Variants in IL15 observed in about 807,000 individuals in gnomAD.
IL15 encodes interleukin 15, also known as interleukin-15.
A neutral mutation model predicts 19.6 loss-of-function variants in IL15; 11 were observed. The observed-to-expected ratio is 0.56, with a 90% CI of 0.35 to 0.93. The LOEUF (loss-of-function observed/expected upper bound fraction) is 0.93, where lower values mean the gene tolerates loss of function less well. Ranked by LOEUF, IL15 falls within the 40% of genes least tolerant of loss-of-function variation. The pLI, the probability that IL15 is intolerant of heterozygous loss-of-function variation, is 0.01. For missense variants in IL15, 197 were observed against 186.5 expected, an observed-to-expected ratio of 1.06 and a Z score of -0.33; for synonymous variants, 58 against 59.6, an observed-to-expected ratio of 0.97 and a Z score of 0.12.
chr4:141,667,542 T>C (rs1035941992), intron 2 of IL15, among the ~76,000 whole-genome samples: 2 of 152,186 alleles, frequency 1.3e-5, no homozygotes, highest in African/African-American at 2.4e-5. Context: ...CCAGCACCTA[T>C]GGTTTAATTC....
chr4:141,689,911 G>A (rs1203066834), intron 2 of IL15, among the ~76,000 whole-genome samples: 1 of 152,204 alleles, frequency 6.6e-6, no homozygotes, highest in Admixed American at 6.5e-5. Flanking sequence ...AGCAGGGGGC[G>A]GTGCTCATCG....
chr4:141,701,731 C>A (rs758528687), intron 2 of IL15, among the ~76,000 whole-genome samples: 5 of 152,216 alleles, frequency 3.3e-5, no homozygotes, highest in African/African-American at 7.2e-5. Context: ...AATTAGATGT[C>A]CTGAGGTTGT....
intron 1 of IL15, 65 bp from the exon 2 acceptor site, chr4:141,656,121 G>A (rs972683943): frequency 2.5e-6 from 1 of 397,054 alleles, no homozygotes; most frequent in Non-Finnish European, 4.4e-6. Context: ...CCATAAATCT[G>A]AGGAAGGGAG....
At chr4:141,668,894 C>G (rs191809366) in intron 2 of IL15, among the ~76,000 whole-genome samples, 2 of 152,140 alleles carry the variant, frequency 1.3e-5, no homozygotes, top group Non-Finnish European at 2.9e-5. Flanking sequence ...AGCCTAACTT[C>G]GTGCTAAAAA....
At chr4:141,728,498 A>T (rs1730342840) in intron 6 of IL15, among the ~76,000 whole-genome samples, 1 of 152,140 alleles carries the variant, frequency 6.6e-6, no homozygotes, top group Non-Finnish European at 1.5e-5. Flanking sequence ...ATTAGAACTG[A>T]AAAATGGTCT....
At chr4:141,659,000 C>T in intron 2 of IL15, among the ~76,000 whole-genome samples, 1 of 151,784 alleles carries the variant, frequency 6.6e-6, no homozygotes, top group East Asian at 1.9e-4. Context: ...GCTGGGACTA[C>T]AGGCGCCTGC....
At chr4:141,673,576 C>G (rs1728244593) in intron 2 of IL15, among the ~76,000 whole-genome samples, 1 of 152,094 alleles carries the variant, frequency 6.6e-6, no homozygotes, top group South Asian at 2.1e-4. Flanking sequence ...TCATATTGCC[C>G]CACTGTTCTC....
chr4:141,670,271 A>G (rs1728127864), intron 2 of IL15, among the ~76,000 whole-genome samples: 1 of 152,118 alleles, frequency 6.6e-6, no homozygotes, highest in Non-Finnish European at 1.5e-5. Flanking sequence ...ATCATGATAC[A>G]TGATAGAATA....
intron 2 of IL15, among the ~76,000 whole-genome samples, chr4:141,678,191 G>A (rs886688979): frequency 6.6e-6 from 1 of 152,080 alleles, no homozygotes; most frequent in African/African-American, 2.4e-5. Flanking sequence ...CATACGTTAG[G>A]TTTTGTTATG....
At chr4:141,640,032 G>A (rs1423633786) in intron 1 of IL15, among the ~76,000 whole-genome samples, 1 of 152,136 alleles carries the variant, frequency 6.6e-6, no homozygotes, top group African/African-American at 2.4e-5. Context: ...ATATTGTACT[G>A]TACTATTTGT....
At chr4:141,689,907 G>A (rs1212951365) in intron 2 of IL15, among the ~76,000 whole-genome samples, 2 of 152,222 alleles carry the variant, frequency 1.3e-5, no homozygotes, top group Admixed American at 6.5e-5. Context: ...GTGGAGCAGG[G>A]GGCGGTGCTC....
At chr4:141,681,309 GAA>G (rs1374424763) in intron 2 of IL15, among the ~76,000 whole-genome samples, 1 of 151,006 alleles carries the variant, frequency 6.6e-6, no homozygotes, top group East Asian at 1.9e-4. Context: ...AAAAAAGAGA[GAA>G]GACTTTTTTA....
intron 2 of IL15, among the ~76,000 whole-genome samples, chr4:141,690,861 G>T (rs1236371761): frequency 6.6e-6 from 1 of 152,096 alleles, no homozygotes; most frequent in African/African-American, 2.4e-5. Context: ...GTTTACTGGT[G>T]TGCTTCATGT....
intron 2 of IL15, among the ~76,000 whole-genome samples, chr4:141,712,045 A>C (rs1002447863): frequency 6.6e-6 from 1 of 152,128 alleles, no homozygotes; most frequent in Non-Finnish European, 1.5e-5. Context: ...TGCCCTGTCA[A>C]TGTGAAAGCT....
intron 2 of IL15, among the ~76,000 whole-genome samples, chr4:141,668,869 G>A (rs1371098719): frequency 3.3e-5 from 5 of 152,114 alleles, no homozygotes; most frequent in Non-Finnish European, 7.4e-5. Context: ...GATTACACTG[G>A]TTTATTCTAA....
At chr4:141,727,873 A>C (rs1730320103) in intron 5 of IL15, 67 bp from the exon 6 acceptor site, 1 of 737,444 alleles carries the variant, frequency 1.4e-6, no homozygotes. Context: ...TGTTTTCAGT[A>C]GGTTGTTCTC....
chr4:141,666,081 A>ATTAT (rs10530521), intron 2 of IL15, among the ~76,000 whole-genome samples: 16,507 of 143,286 alleles, frequency 0.12, 1,136 homozygotes, highest in Middle Eastern at 0.17. Context: ...CTTTTTATTT[A>ATTAT]TTATTTATTT....
At chr4:141,666,660 C>CT (rs112446661) in intron 2 of IL15, among the ~76,000 whole-genome samples, 344 of 149,048 alleles carry the variant, frequency 2.3e-3, no homozygotes, top group African/African-American at 7.1e-3. Flanking sequence ...CTTCCCCCCA[C>CT]TTTTTTTTTT....
At chr4:141,690,256 C>A (rs71608451) in intron 2 of IL15, among the ~76,000 whole-genome samples, 6 of 152,230 alleles carry the variant, frequency 3.9e-5, no homozygotes, top group Admixed American at 3.3e-4. Flanking sequence ...CACCTCCCTG[C>A]AAGCTGAGGG....
Sources: gnomAD v4.1 joint callset for allele counts (sites outside exome capture counted in the v4.1 genomes callset) on GRCh38, gnomAD v4.1.1 for gene constraint, MANE v1.5 for transcripts, NCBI Gene and HGNC (gene_info 2026-07-23, HGNC 2026-07-21) for gene names.